The following TRIM24 variants were observed in gnomAD, a reference collection of about 807,000 sequenced individuals.
TRIM24 encodes the protein tripartite motif containing 24.
TRIM24 carries 29 observed loss-of-function variants against 123.9 expected under a neutral mutation model. That is an observed-to-expected ratio of 0.23 (90% CI 0.17 to 0.32). The LOEUF (loss-of-function observed/expected upper bound fraction) is 0.32, where lower values mean the gene tolerates loss of function less well. Among genes scored for constraint, TRIM24 ranks in the 10% least tolerant of loss-of-function variants. TRIM24 has a pLI of 1.00. For synonymous variants in TRIM24, 456 were observed against 461.1 expected, an observed-to-expected ratio of 0.99 and a Z score of 0.14; for missense variants, 932 against 1,295.3, an observed-to-expected ratio of 0.72 and a Z score of 4.31.
At position 138,577,608 on chromosome 7, in the gene TRIM24, A is replaced by G. The variant is rs374252540; in HGVS notation, c.2256+20A>G. The G allele has an allele frequency of 5.0e-5, 79 of 1,574,818 alleles. No homozygotes were observed. Among genetic ancestry groups the G allele is most frequent in the Non-Finnish European group, 6.5e-5 (76 of 1,161,744 alleles). On this transcript the variant is annotated intron_variant, in intron 14 of 18. Coordinates refer to ENST00000343526, the MANE Select transcript of TRIM24 (RefSeq NM_015905.3). ...CAAAATGTAATTATGAATGCTTGCA[A>G]TGCTATTCCTATGCATGGTGGGTAG...
chr7:138,513,508 T>C (rs1392603561), intron 2 of TRIM24, among the ~76,000 whole-genome samples: 1 of 152,100 alleles, frequency 6.6e-6, no homozygotes, highest in Non-Finnish European at 1.5e-5. Flanking sequence ...CTTACGATCA[T>C]GGCAGAAGGT....
chr7:138,504,286 C>CCAG lies in TRIM24; in HGVS notation c.365-3_365-1dup. On this transcript the variant is annotated splice_polypyrimidine_tract_variant and splice_region_variant and intron_variant, in intron 1 of 18. Coordinates refer to ENST00000343526, the MANE Select transcript of TRIM24 (RefSeq NM_015905.3). ...AACTTAGAATATAATTTTGTTTTTC[C>CCAG]CAGTTGGAGTCATTCGTTGCCCAGT... 1 of 1,573,598 alleles carries CCAG rather than the reference C, an allele frequency of 6.4e-7. No homozygotes were observed. The highest frequency in any genetic ancestry group is 2.0e-5 in the Admixed American group (1 of 49,954).
intron 1 of TRIM24, among the ~76,000 whole-genome samples, chr7:138,463,909 A>T (rs1795068491): frequency 6.7e-6 from 1 of 150,218 alleles, no homozygotes; most frequent in Non-Finnish European, 1.5e-5. Context: ...TGCTATCCTG[A>T]GTCTTAGTGA....
In TRIM24 at chr7:138,550,473, G is replaced by A. The variant is rs140352373; in HGVS notation, c.1144-590G>A. On this transcript the variant is annotated intron_variant, in intron 7 of 18. Transcript: ENST00000343526. ...AGGACTAATGTTGGAGATGGTAATA[G>A]TGAACCAAGAACTAAAATCTTCAAG... is the stretch of plus-strand genomic sequence containing the variant. Among the ~76,000 whole-genome samples, 5 of 152,252 alleles carry A rather than the reference G, an allele frequency of 3.3e-5. No individual in the cohort carries two copies. The East Asian group carries it at 9.6e-4, about 29-fold the overall frequency.
chr7:138,508,693 G>GTGCGCGCGCGCGCA (rs1563038780), intron 2 of TRIM24, among the ~76,000 whole-genome samples: 6 of 27,856 alleles, frequency 2.2e-4, no homozygotes, highest in Admixed American at 1.1e-3. Context: ...GTGTGTGTGT[G>GTGCGCGCGCGCGCA]CGCGCGCGTG....
chr7:138,487,593 T>C (rs1403236754), intron 1 of TRIM24, among the ~76,000 whole-genome samples: 1 of 152,232 alleles, frequency 6.6e-6, no homozygotes, highest in Non-Finnish European at 1.5e-5. Context: ...TCTGCATCTA[T>C]TGAAATAATC....
rs565766613 is a variant in TRIM24, at chr7:138,566,166, C to T, written c.1531-1315C>T. 4.6e-5 allele frequency among the ~76,000 whole-genome samples: 7 copies of T among 152,216 alleles called. No individual in the cohort carries two copies. In the East Asian group the frequency reaches 7.7e-4, roughly 17 times the overall value. On this transcript the variant is annotated intron_variant, in intron 9 of 18. Coordinates refer to ENST00000343526, the MANE Select transcript of TRIM24 (RefSeq NM_015905.3). ...TCTGCTTCAGCCTCATTTGTGATTC[C>T]TTCACCCAGCCTTCCTGTAATCAAC...
intron 10 of TRIM24, among the ~76,000 whole-genome samples, chr7:138,569,092 T>G (rs984639590): frequency 4.6e-5 from 7 of 152,212 alleles, no homozygotes; most frequent in Non-Finnish European, 1.0e-4. Flanking sequence ...TCTACTTATT[T>G]TCCTAATAAT....
intron 4 of TRIM24, among the ~76,000 whole-genome samples, chr7:138,523,660 AGAATG>A (rs1796548711): frequency 6.7e-6 from 1 of 150,194 alleles, no homozygotes; most frequent in Non-Finnish European, 1.5e-5. Context: ...CTGAGGCAGG[AGAATG>A]GCGTGAACCC....
chr7:138,504,644 T>G (rs984211194), intron 2 of TRIM24, among the ~76,000 whole-genome samples: 1 of 151,896 alleles, frequency 6.6e-6, no homozygotes, highest in Non-Finnish European at 1.5e-5. Context: ...GTATTTTTAG[T>G]AGAGACGGGG....
At position 138,515,236 on chromosome 7, in the gene TRIM24, G is replaced by A. The variant is rs777090182; in HGVS notation, c.508G>A (p.Ala170Thr). Residue 170 changes from alanine to threonine, a missense_variant, in exon 3 of 19, where the codon GCA (alanine) becomes ACA (threonine). Around this residue, in one of 7 missense-constraint regions of TRIM24, gnomAD observed 74 missense variants for 163.6 expected, o/e 0.45. Transcript: ENST00000343526. The part of the protein sequence containing the change: ...NQVCTSCEDN[A>T]EANGFCVECV... ...GGTATGTACAAGCTGTGAGGACAAC[G>A]CAGAAGCCAATGGGTTTTGTGTAGA... 8 of 1,613,190 alleles carry A rather than the reference G, an allele frequency of 5.0e-6. No homozygotes were observed. Among genetic ancestry groups the A allele is most frequent in the African/African-American group, 1.3e-5 (1 of 74,910 alleles).
intron 2 of TRIM24, among the ~76,000 whole-genome samples, chr7:138,512,789 A>C (rs2116550293): frequency 6.6e-6 from 1 of 152,200 alleles, no homozygotes; most frequent in East Asian, 1.9e-4. Context: ...AAATGCCTTC[A>C]AGGCCTTCCC....
intron 1 of TRIM24, chr7:138,490,862 C>T: frequency 4.4e-6 from 2 of 453,926 alleles, no homozygotes; most frequent in Admixed American, 2.5e-5. Flanking sequence ...TCATGATTTC[C>T]AGCATCTTCT....
In TRIM24 at chr7:138,529,559, G is replaced by A. The variant is rs190110761; in HGVS notation, c.996+329G>A. Among the ~76,000 whole-genome samples, 10 of 152,220 alleles carry A rather than the reference G, an allele frequency of 6.6e-5. No homozygotes were observed. In the East Asian group the frequency reaches 1.9e-3, roughly 29 times the overall value. The stretch of plus-strand genomic sequence containing the variant: ...TTTTGCATCACCAAGGTGGTTTAGT[G>A]GAGCAGAATTTTCTAGAAAGATACA... On this transcript the variant is annotated intron_variant, in intron 6 of 18. Coordinates refer to ENST00000343526, the MANE Select transcript of TRIM24 (RefSeq NM_015905.3).
In TRIM24 at chr7:138,551,909, TA is replaced by T. The variant is rs372532757; in HGVS notation, c.1261+730del. Reference sequence around the variant, plus strand: ...CTTTTGCCTGATCAGGTAATAGTTATATAGATATCTTACTAATTGAAGTAAA... The same window carrying T: ...CTTTTGCCTGATCAGGTAATAGTTATTAGATATCTTACTAATTGAAGTAAA... On this transcript the variant is annotated intron_variant, in intron 8 of 18. Coordinates refer to ENST00000343526, the MANE Select transcript of TRIM24 (RefSeq NM_015905.3). Among the ~76,000 whole-genome samples the T allele has an allele frequency of 4.8e-3, 733 of 152,352 alleles. 7 individuals carry two copies. The highest frequency in any genetic ancestry group is 0.017 in the African/African-American group (688 of 41,578).
intron 1 of TRIM24, among the ~76,000 whole-genome samples, chr7:138,464,864 T>A (rs1467260794): frequency 6.6e-6 from 1 of 152,234 alleles, no homozygotes; most frequent in African/African-American, 2.4e-5. Flanking sequence ...CTACCTAATC[T>A]GGCGTAGTTG....
chr7:138,534,981 G>T (rs1231415749), intron 6 of TRIM24, among the ~76,000 whole-genome samples: 1 of 152,028 alleles, frequency 6.6e-6, no homozygotes, highest in Non-Finnish European at 1.5e-5. Flanking sequence ...GGCCTTCTTT[G>T]TCTCTTTTGA....
intron 1 of TRIM24, among the ~76,000 whole-genome samples, chr7:138,500,093 C>T (rs1016597412): frequency 6.6e-6 from 1 of 152,162 alleles, no homozygotes; most frequent in Non-Finnish European, 1.5e-5. Context: ...CCATGTACAT[C>T]TCTTTTGTGG....
intron 1 of TRIM24, among the ~76,000 whole-genome samples, chr7:138,471,832 C>T (rs554039384): frequency 1.2e-3 from 184 of 152,272 alleles, no homozygotes; most frequent in Non-Finnish European, 1.5e-3. Flanking sequence ...TGAGCCACCG[C>T]ACCCGGCCTG....
Sources: gnomAD v4.1 joint callset for allele counts (sites outside exome capture counted in the v4.1 genomes callset) on GRCh38, gnomAD v4.1.1 for gene constraint, gnomAD v4.1.1 regional missense constraint, MANE v1.5 for transcripts, NCBI Gene and HGNC (gene_info 2026-07-23, HGNC 2026-07-21) for gene names.